Variants in ARHGAP36 observed in about 807,000 individuals in gnomAD.
The protein encoded by ARHGAP36 is Rho GTPase activating protein 36.
In ARHGAP36, 7 loss-of-function variants were observed where a neutral mutation model predicts 32.9. The observed-to-expected ratio is 0.21, with a 90% CI of 0.12 to 0.40. The LOEUF is 0.40. ARHGAP36 is among the 10% of genes least tolerant of loss of function. The probability of loss-of-function intolerance (pLI) is 1.00; values close to 1 mark genes in which losing one functional copy is unlikely to be tolerated. For missense variants in ARHGAP36, 383 were observed against 442.2 expected (o/e 0.87, Z 1.20); for synonymous variants, 165 against 168.3 (o/e 0.98, Z 0.15).
chrX:131,065,933 C>T (rs1360329160), intron 1 of ARHGAP36, among the ~76,000 whole-genome samples: 1 of 112,129 alleles, frequency 8.9e-6, no homozygotes, highest in African/African-American at 3.2e-5. Flanking sequence ...TCTATCCACC[C>T]CCTGACCTCT....
intron 1 of ARHGAP36, among the ~76,000 whole-genome samples, chrX:131,069,501 G>T (rs940905014): frequency 9.0e-6 from 1 of 110,905 alleles, no homozygotes; most frequent in Non-Finnish European, 1.9e-5. Context: ...ACATACAGAG[G>T]ATGTCCATTC....
rs751852754 is a variant in ARHGAP36 at position 131,086,016 on chromosome X, T to A, written c.1208T>A (p.Leu403Gln). 8.3e-7 allele frequency: 1 copy of A among 1,209,895 alleles called. No homozygotes were observed. The highest frequency in any genetic ancestry group is 1.7e-5 in the African/African-American group (1 of 57,159). Reference protein sequence around the residue: ...FGKRESRKTKLGIDHYVASVN... With the variant: ...FGKRESRKTKQGIDHYVASVN... ...AAGAGAGAGTCCAGGAAAACAAAGC[T>A]GGGGATTGATCACTATGTTGCTTCT... Residue 403 changes from leucine to glutamine, a missense_variant, in exon 9 of 12, where the codon CTG becomes CAG. Coordinates refer to ENST00000276211, the MANE Select transcript of ARHGAP36 (RefSeq NM_144967.4).
Position 131,088,660 on chromosome X carries a change from A to T in ARHGAP36, c.1519A>T (p.Thr507Ser), listed in dbSNP as rs2079849143. 8.3e-7 allele frequency: 1 copy of T among 1,209,730 alleles called. No individual in the cohort carries two copies. Among genetic ancestry groups the T allele is most frequent in the African/African-American group, 1.7e-5 (1 of 57,305 alleles). ...TGAGGAGCCAGCTGTGCCTTCCGGC[A>T]CTGCCCGTTCCCATGACGATGAGGA... ...SSEEPAVPSG[T>S]ARSHDDEEGA... The change falls in exon 12 of 12, where the codon ACT (threonine) becomes TCT (serine). Residue 507 changes from threonine to serine, a missense_variant. Thr to Ser is a moderately conservative substitution (Grantham distance 58). This residue lies in a region of ARHGAP36 where 227 missense variants were observed against 311.3 expected (regional missense o/e 0.73). Coordinates refer to ENST00000276211, the MANE Select transcript of ARHGAP36 (RefSeq NM_144967.4).
chrX:131,088,570 G>T (rs2079848476), intron 11 of ARHGAP36, 58 bp from the exon 12 acceptor site: 17 of 1,150,854 alleles, frequency 1.5e-5, no homozygotes, highest in Non-Finnish European at 1.9e-5. Flanking sequence ...TGCCTTGGGT[G>T]CTGCGCAAAG....
chrX:131,059,713 T>A (rs2079658569), intron 1 of ARHGAP36, among the ~76,000 whole-genome samples: 1 of 112,153 alleles, frequency 8.9e-6, no homozygotes, highest in African/African-American at 3.2e-5. Context: ...TTTTTTCTTT[T>A]GCATATTTTT....
At chrX:131,083,687 G>T in intron 3 of ARHGAP36, 47 bp from the exon 4 acceptor site, 2 of 1,152,841 alleles carry the variant, frequency 1.7e-6, no homozygotes, top group Non-Finnish European at 2.4e-6. Context: ...TGATTTAAGC[G>T]CTGCGAGGCT....
chrX:131,069,143 A>T (rs773958036), intron 1 of ARHGAP36, among the ~76,000 whole-genome samples: 1 of 111,849 alleles, frequency 8.9e-6, no homozygotes, highest in African/African-American at 3.3e-5. Context: ...CCCCTGTGAG[A>T]ATCTCTGAGG....
Position 131,072,094 on chromosome X carries a change from T to C in ARHGAP36, c.-142-9430T>C, listed in dbSNP as rs1474123438. 3.6e-5 allele frequency among the ~76,000 whole-genome samples: 4 copies of C among 111,322 alleles called. No homozygotes were observed. In the Admixed American group the frequency reaches 3.8e-4, roughly 11 times the overall value. ...TTGGAAGAGGTATTAAAAGGTAAGA[T>C]GGTTTGGGCTGGTGTAGATGGCCTC... On this transcript the variant is annotated intron_variant, in intron 1 of 11. Transcript: ENST00000276211.
chrX:131,066,975 T>A lies in ARHGAP36; in HGVS notation c.-143+8531T>A, dbSNP rs904722305. ...TATCCTTGCTACATACCAGGTATTC[T>A]CTACAGCCGTTCAGAGTTTAAAAAG... On this transcript the variant is annotated intron_variant, in intron 1 of 11. Transcript: ENST00000276211. Among the ~76,000 whole-genome samples, 7 of 111,925 alleles carry A rather than the reference T, an allele frequency of 6.3e-5. No individual in the cohort carries two copies. The Admixed American group carries it at 6.6e-4, about 11-fold the overall frequency.
At chrX:131,082,786 A>G (rs949111271) in intron 2 of ARHGAP36, among the ~76,000 whole-genome samples, 4 of 112,704 alleles carry the variant, frequency 3.5e-5, no homozygotes, top group Non-Finnish European at 5.6e-5. Context: ...GGCGACCCTC[A>G]CCCGCGGTGG....
At chrX:131,071,191 A>G (rs1489442848) in intron 1 of ARHGAP36, among the ~76,000 whole-genome samples, 1 of 110,163 alleles carries the variant, frequency 9.1e-6, no homozygotes, top group Non-Finnish European at 1.9e-5. Context: ...AGAGACAGAG[A>G]CAGAGACAGA....
At chrX:131,083,325 T>C in intron 3 of ARHGAP36, 95 bp downstream of exon 3, 1 of 879,313 alleles carries the variant, frequency 1.1e-6, no homozygotes, top group Non-Finnish European at 1.6e-6. Flanking sequence ...TGGCGTCCAC[T>C]GTCCCAGGGG....
chrX:131,082,021 C>T, intron 2 of ARHGAP36, 103 bp downstream of exon 2: 8 of 1,003,936 alleles, frequency 8.0e-6, no homozygotes, highest in Non-Finnish European at 1.1e-5. Context: ...GGGGCTCACG[C>T]CTGATCTCGG....
intron 1 of ARHGAP36, among the ~76,000 whole-genome samples, chrX:131,069,319 G>A (rs1490561622): frequency 8.9e-6 from 1 of 111,811 alleles, no homozygotes; most frequent in Non-Finnish European, 1.9e-5. Flanking sequence ...CTACCCCGTG[G>A]CGCATTATGT....
chrX:131,076,045 C>G (rs112485262), intron 1 of ARHGAP36, among the ~76,000 whole-genome samples: 1 of 111,771 alleles, frequency 8.9e-6, no homozygotes, highest in Non-Finnish European at 1.9e-5. Flanking sequence ...TCATGAATCA[C>G]GAATAGCTGT....
chrX:131,064,769 T>C (rs948158033), intron 1 of ARHGAP36, among the ~76,000 whole-genome samples: 4 of 111,200 alleles, frequency 3.6e-5, no homozygotes, highest in African/African-American at 9.9e-5. Flanking sequence ...ACAAAAGCCC[T>C]GATTTTCAAG....
At chrX:131,086,496 A>T in intron 10 of ARHGAP36, 63 bp from the exon 11 acceptor site, 2 of 1,202,239 alleles carry the variant, frequency 1.7e-6, no homozygotes, top group African/African-American at 3.5e-5. Context: ...CCAACTCCAG[A>T]CTATCTTTAT....
chrX:131,064,571 T>C (rs1388038049), intron 1 of ARHGAP36, among the ~76,000 whole-genome samples: 1 of 111,942 alleles, frequency 8.9e-6, no homozygotes, highest in Non-Finnish European at 1.9e-5. Flanking sequence ...TTTACCTCCT[T>C]TAGTCATCTG....
At chrX:131,088,265 C>T (rs2079846207) in intron 11 of ARHGAP36, among the ~76,000 whole-genome samples, 1 of 112,636 alleles carries the variant, frequency 8.9e-6, no homozygotes, top group African/African-American at 3.2e-5. Context: ...AGCTTTGTTA[C>T]TCATTTGCTT....
Sources: gnomAD v4.1 joint callset for allele counts (sites outside exome capture counted in the v4.1 genomes callset) on GRCh38, gnomAD v4.1.1 for gene constraint, gnomAD v4.1.1 regional missense constraint, MANE v1.5 for transcripts, NCBI Gene and HGNC (gene_info 2026-07-23, HGNC 2026-07-21) for gene names.